Variants in ROBO2 observed in about 807,000 individuals in gnomAD.
ROBO2 encodes roundabout homolog 2.
Under a neutral mutation model 160.8 loss-of-function variants are expected in ROBO2, and 53 were observed. The ratio of observed to expected loss-of-function variants is 0.33; its 90% CI spans 0.26 to 0.41. ROBO2 has a LOEUF of 0.41. Among genes scored for constraint, ROBO2 ranks in the 10% least tolerant of loss-of-function variants. The probability of loss-of-function intolerance (pLI) is 1.00; values close to 1 mark genes in which losing one functional copy is unlikely to be tolerated. For missense variants in ROBO2, 1,577 were observed against 1,722.4 expected, an observed-to-expected ratio of 0.92 and a Z score of 1.49; for synonymous variants, 664 against 611.7, an observed-to-expected ratio of 1.09 and a Z score of -1.26.
At chr3:76,000,744 C>A (rs1264675005) in intron 2 of ROBO2, among the ~76,000 whole-genome samples, 1 of 151,894 alleles carries the variant, frequency 6.6e-6, no homozygotes, top group Admixed American at 6.6e-5. Context: ...CCTGCCTCGG[C>A]CTCCCAAAGT....
chr3:77,599,961 T>G (rs2094399163), intron 19 of ROBO2, among the ~76,000 whole-genome samples: 1 of 152,010 alleles, frequency 6.6e-6, no homozygotes, highest in Admixed American at 6.6e-5. Flanking sequence ...CAAAAGGAAA[T>G]AAATGTGAGT....
chr3:76,035,276 T>A (rs1192466951), intron 2 of ROBO2, among the ~76,000 whole-genome samples: 1 of 151,646 alleles, frequency 6.6e-6, no homozygotes, highest in African/African-American at 2.4e-5. Flanking sequence ...GCTGAATTAA[T>A]GCGCATATGC....
rs115109382 is a variant in ROBO2, at chr3:77,616,312, T to G, written c.3294-1201T>G. Among the ~76,000 whole-genome samples, 1,501 of 152,078 alleles carry G rather than the reference T, an allele frequency of 9.9e-3. 26 individuals are homozygous for G. The highest frequency in any genetic ancestry group is 0.035 in the African/African-American group (1,444 of 41,464). ...TTGAGGAAATAGTGCGAGATTAAGC[T>G]GGAAAGATGAGTTTATCAGACTAGG... On this transcript the variant is annotated intron_variant, in intron 21 of 25. Transcript: ENST00000461745.
intron 2 of ROBO2, 106 bp from the exon 3 acceptor site, chr3:77,477,308 C>G (rs2084129092): frequency 8.7e-7 from 1 of 1,150,206 alleles, no homozygotes; most frequent in African/African-American, 1.5e-5. Flanking sequence ...AAAATCCAGG[C>G]AATTTTTACT....
At chr3:76,522,085 G>C (rs548889572) in intron 2 of ROBO2, among the ~76,000 whole-genome samples, 1 of 152,188 alleles carries the variant, frequency 6.6e-6, no homozygotes, top group Admixed American at 6.5e-5. Context: ...TACAGACAAC[G>C]CTGTAAGAAT....
chr3:77,123,678 C>A (rs1290477713), intron 2 of ROBO2, among the ~76,000 whole-genome samples: 2 of 149,414 alleles, frequency 1.3e-5, no homozygotes, highest in African/African-American at 4.9e-5. Flanking sequence ...GGGTAGAGGA[C>A]AGCAGCTTTC....
At chr3:76,747,030 A>G (rs2093905346) in intron 2 of ROBO2, among the ~76,000 whole-genome samples, 1 of 151,928 alleles carries the variant, frequency 6.6e-6, no homozygotes, top group African/African-American at 2.4e-5. Context: ...TATGTACCAC[A>G]TTTTCTTTAT....
intron 2 of ROBO2, among the ~76,000 whole-genome samples, chr3:76,900,959 ATAATC>A (rs1465181064): frequency 5.9e-5 from 9 of 152,344 alleles, no homozygotes; most frequent in Non-Finnish European, 5.9e-5. Context: ...TTTAGGCTGA[ATAATC>A]TAAGCCAAAT....
chr3:77,570,621 T>C (rs2093614688), intron 13 of ROBO2, among the ~76,000 whole-genome samples: 1 of 152,082 alleles, frequency 6.6e-6, no homozygotes, highest in South Asian at 2.1e-4. Flanking sequence ...ATGACATAAG[T>C]ATGCATTTGA....
intron 2 of ROBO2, among the ~76,000 whole-genome samples, chr3:76,446,489 C>A (rs2077188673): frequency 6.6e-6 from 1 of 152,090 alleles, no homozygotes; most frequent in Admixed American, 6.6e-5. Flanking sequence ...AGATTCAATG[C>A]CATCCCCATC....
chr3:76,279,578 G>T (rs978027582), intron 2 of ROBO2, among the ~76,000 whole-genome samples: 1 of 151,866 alleles, frequency 6.6e-6, no homozygotes, highest in African/African-American at 2.4e-5. Flanking sequence ...GAGAATTACT[G>T]TTCACACTTT....
intron 2 of ROBO2, among the ~76,000 whole-genome samples, chr3:77,296,742 G>T (rs962698012): frequency 2.6e-5 from 4 of 152,228 alleles, no homozygotes; most frequent in African/African-American, 4.8e-5. Context: ...AGGCTGAAAG[G>T]TTACTTGCTG....
intron 23 of ROBO2, among the ~76,000 whole-genome samples, chr3:77,624,681 C>T (rs956319983): frequency 6.6e-6 from 1 of 152,090 alleles, no homozygotes; most frequent in Non-Finnish European, 1.5e-5. Flanking sequence ...ACAGTGGATG[C>T]GGATCATACC....
At chr3:76,559,510 A>C (rs1406154934) in intron 2 of ROBO2, among the ~76,000 whole-genome samples, 1 of 152,144 alleles carries the variant, frequency 6.6e-6, no homozygotes, top group Non-Finnish European at 1.5e-5. Flanking sequence ...TTTTTCACAA[A>C]TAATGTACAA....
At chr3:76,219,655 A>G (rs145718630) in intron 2 of ROBO2, among the ~76,000 whole-genome samples, 50,347 of 152,016 alleles carry the variant, frequency 0.33, 9,349 homozygotes, top group Non-Finnish European at 0.41. Flanking sequence ...TAGAATGGCA[A>G]TCATTAAAAA....
intron 2 of ROBO2, among the ~76,000 whole-genome samples, chr3:77,327,604 A>G (rs1308630600): frequency 6.6e-6 from 1 of 152,216 alleles, no homozygotes; most frequent in African/African-American, 2.4e-5. Flanking sequence ...CAAATGCCCA[A>G]TGACAATAGG....
intron 2 of ROBO2, chr3:76,434,143 C>T (rs2076561000): frequency 2.5e-6 from 3 of 1,194,400 alleles, no homozygotes; most frequent in East Asian, 2.3e-5. Context: ...GCATTTGACT[C>T]ACTGCTTGCT....
intron 2 of ROBO2, among the ~76,000 whole-genome samples, chr3:76,634,809 C>T (rs2090231373): frequency 6.6e-6 from 1 of 152,304 alleles, no homozygotes; most frequent in South Asian, 2.1e-4. Context: ...AACCTGGCCA[C>T]GCAGCAGGAG....
chr3:76,250,970 T>A (rs925820873), intron 2 of ROBO2, among the ~76,000 whole-genome samples: 3 of 152,002 alleles, frequency 2.0e-5, no homozygotes, highest in Non-Finnish European at 4.4e-5. Flanking sequence ...TCCCAGAAAC[T>A]ATAAAGGTGA....
Sources: gnomAD v4.1 joint callset for allele counts (sites outside exome capture counted in the v4.1 genomes callset) on GRCh38, gnomAD v4.1.1 for gene constraint, MANE v1.5 for transcripts, NCBI Gene and HGNC (gene_info 2026-07-23, HGNC 2026-07-21) for gene names.